Variants in IL1RAPL1 observed in about 807,000 individuals in gnomAD.
IL1RAPL1 encodes the protein interleukin-1 receptor accessory protein-like 1.
In IL1RAPL1, 3 loss-of-function variants were observed where a neutral mutation model predicts 48.4. The ratio of observed to expected loss-of-function variants is 0.06; its 90% confidence interval spans 0.03 to 0.16. The LOEUF is 0.16. Ranked by LOEUF, IL1RAPL1 falls within the 10% of genes least tolerant of loss-of-function variation. The probability of loss-of-function intolerance (pLI) is 1.00; values close to 1 mark genes in which losing one functional copy is unlikely to be tolerated. For synonymous variants in IL1RAPL1, 185 were observed against 187.7 expected (o/e 0.99, Z 0.12); for missense variants, 349 against 530.6 (o/e 0.66, Z 3.36).
chrX:28,735,260 G>A lies in IL1RAPL1; in HGVS notation c.-24-54060G>A, dbSNP rs1418596742. 7.3e-5 allele frequency among the ~76,000 whole-genome samples: 8 copies of A among 109,604 alleles called. No individual in the cohort carries two copies. The East Asian group carries it at 2.3e-3, about 31-fold the overall frequency. On this transcript the variant is annotated intron_variant, in intron 1 of 10. Transcript: ENST00000378993. ...TTGAAGGGCAGAAATCACATACTAT[G>A]CCTTCTGGTAAAGCAATGTACATGT... is the stretch of plus-strand genomic sequence containing the variant.
intron 2 of IL1RAPL1, among the ~76,000 whole-genome samples, chrX:29,179,318 T>C (rs963334638): frequency 1.8e-5 from 2 of 111,545 alleles, no homozygotes; most frequent in Admixed American, 9.6e-5. Context: ...TCACATCCCT[T>C]GTAAGTTGGA....
intron 3 of IL1RAPL1, among the ~76,000 whole-genome samples, chrX:29,353,116 C>A (rs1262513019): frequency 9.0e-6 from 1 of 111,731 alleles, no homozygotes; most frequent in Non-Finnish European, 1.9e-5. Context: ...CTTTAAAAAC[C>A]ACCAGATTAT....
chrX:29,003,870 G>A (rs1366403079), intron 2 of IL1RAPL1, among the ~76,000 whole-genome samples: 1 of 112,325 alleles, frequency 8.9e-6, no homozygotes, highest in East Asian at 2.8e-4. Context: ...GGCTGGGTGT[G>A]GTGGCTCACA....
At chrX:28,743,555 T>C (rs1395223816) in intron 1 of IL1RAPL1, among the ~76,000 whole-genome samples, 2 of 110,711 alleles carry the variant, frequency 1.8e-5, no homozygotes, top group Non-Finnish European at 3.8e-5. Flanking sequence ...AGTATCTGGA[T>C]TAGAGAAATG....
At chrX:29,766,751 T>C (rs2147148885) in intron 6 of IL1RAPL1, among the ~76,000 whole-genome samples, 1 of 103,344 alleles carries the variant, frequency 9.7e-6, no homozygotes, top group South Asian at 3.9e-4. Context: ...AATTATAATG[T>C]ATAAATTATA....
chrX:29,834,524 G>T lies in IL1RAPL1; in HGVS notation c.779-82940G>T, dbSNP rs1385737277. 2.3e-4 allele frequency among the ~76,000 whole-genome samples: 24 copies of T among 103,128 alleles called. 1 individual carries two copies. Among genetic ancestry groups the T allele is most frequent in the Admixed American group, 1.0e-4 (1 of 9,610 alleles). 89.6% of individuals were successfully genotyped at this position (103,128 alleles called of 115,157 possible). ...TTTTTTTTTTTTTTTTGGAATTTTGGGTGATGCTCTTTTAAGAGCTAGTGG... is the reference window on the plus strand; with the variant it reads ...TTTTTTTTTTTTTTTTGGAATTTTGTGTGATGCTCTTTTAAGAGCTAGTGG... On this transcript the variant is annotated intron_variant, in intron 6 of 10. Transcript: ENST00000378993.
At chrX:28,902,271 A>G (rs1360163557) in intron 2 of IL1RAPL1, among the ~76,000 whole-genome samples, 1 of 110,591 alleles carries the variant, frequency 9.0e-6, no homozygotes, top group Non-Finnish European at 1.9e-5. Flanking sequence ...TCCCTGGCTC[A>G]AGCCATCTTC....
chrX:29,525,269 C>T (rs912839381), intron 5 of IL1RAPL1, among the ~76,000 whole-genome samples: 6 of 111,745 alleles, frequency 5.4e-5, no homozygotes, highest in African/African-American at 2.0e-4. Flanking sequence ...AATCTGATGC[C>T]CAATGAATTT....
chrX:28,705,680 C>T (rs1935367275), intron 1 of IL1RAPL1, among the ~76,000 whole-genome samples: 1 of 111,445 alleles, frequency 9.0e-6, no homozygotes, highest in African/African-American at 3.3e-5. Context: ...CAATGCATCT[C>T]AGAGGGTGGA....
intron 2 of IL1RAPL1, among the ~76,000 whole-genome samples, chrX:28,903,817 A>T (rs1011631747): frequency 9.0e-6 from 1 of 110,979 alleles, no homozygotes; most frequent in African/African-American, 3.3e-5. Flanking sequence ...ATGCATACAT[A>T]TGTGTATTTT....
intron 2 of IL1RAPL1, among the ~76,000 whole-genome samples, chrX:28,941,703 A>G (rs965800475): frequency 9.0e-6 from 1 of 111,081 alleles, no homozygotes; most frequent in African/African-American, 3.3e-5. Context: ...TTTTAGACAT[A>G]TGTCACACAC....
At chrX:28,754,712 G>GT (rs1279647399) in intron 1 of IL1RAPL1, among the ~76,000 whole-genome samples, 1 of 112,072 alleles carries the variant, frequency 8.9e-6, no homozygotes, top group Non-Finnish European at 1.9e-5. Flanking sequence ...CATGTATTGT[G>GT]TAAGTGTATG....
chrX:29,032,942 G>A (rs534359635), intron 2 of IL1RAPL1, among the ~76,000 whole-genome samples: 1 of 112,485 alleles, frequency 8.9e-6, no homozygotes, highest in South Asian at 3.6e-4. Flanking sequence ...TAAAATGTGA[G>A]ATGCTTATTA....
chrX:29,673,525 A>G (rs973719719), intron 6 of IL1RAPL1, among the ~76,000 whole-genome samples: 1 of 111,646 alleles, frequency 9.0e-6, no homozygotes, highest in African/African-American at 3.3e-5. Flanking sequence ...TCAAATTAAA[A>G]AACCGTAAAA....
At chrX:28,734,599 T>C (rs1935799049) in intron 1 of IL1RAPL1, among the ~76,000 whole-genome samples, 1 of 109,466 alleles carries the variant, frequency 9.1e-6, no homozygotes, top group Non-Finnish European at 1.9e-5. Context: ...AAACTATAAC[T>C]CTCTAACTCC....
At chrX:29,623,822 GA>G (rs1924538345) in intron 5 of IL1RAPL1, among the ~76,000 whole-genome samples, 1 of 111,563 alleles carries the variant, frequency 9.0e-6, no homozygotes. Context: ...CAGCTCCTGT[GA>G]ACTGAAAAAA....
At chrX:28,906,831 G>A (rs778590000) in intron 2 of IL1RAPL1, among the ~76,000 whole-genome samples, 1 of 111,583 alleles carries the variant, frequency 9.0e-6, no homozygotes, top group South Asian at 3.7e-4. Context: ...AGTCTACAAC[G>A]TAAGTCTAAT....
At chrX:28,696,922 ATAAT>A (rs1200661349) in intron 1 of IL1RAPL1, among the ~76,000 whole-genome samples, 1 of 111,663 alleles carries the variant, frequency 9.0e-6, no homozygotes, top group African/African-American at 3.2e-5. Flanking sequence ...ATGTCCTTAA[ATAAT>A]TGTGTATCTG....
intron 5 of IL1RAPL1, among the ~76,000 whole-genome samples, chrX:29,610,817 G>A (rs6526904): frequency 0.33 from 36,307 of 110,843 alleles, 4,800 homozygotes; most frequent in African/African-American, 0.46. Context: ...CCCCACAGTG[G>A]CGTCTAGGGT....
Sources: allele counts gnomAD v4.1 joint callset (sites outside exome capture counted in the v4.1 genomes callset), GRCh38; gene constraint gnomAD v4.1.1; transcripts MANE v1.5; gene names NCBI Gene and HGNC (gene_info 2026-07-23, HGNC 2026-07-21).